Variants in NEXMIF observed in about 807,000 individuals in gnomAD.
NEXMIF encodes XLMR protein related to neurite extension.
NEXMIF carries 8 observed loss-of-function variants against 62.1 expected under a neutral mutation model. The ratio of observed to expected loss-of-function variants is 0.13; its 90% confidence interval spans 0.08 to 0.23. The LOEUF (loss-of-function observed/expected upper bound fraction) is 0.23, where lower values mean the gene tolerates loss of function less well. Ranked by LOEUF, NEXMIF falls within the 10% of genes least tolerant of loss-of-function variation. The pLI is 1.00. For missense variants in NEXMIF, 976 were observed against 1,113.3 expected (o/e 0.88, Z 1.75); for synonymous variants, 404 against 416.6 (o/e 0.97, Z 0.37).
chrX:74,819,412 G>A (rs992853026), intron 1 of NEXMIF, among the ~76,000 whole-genome samples: 1 of 111,670 alleles, frequency 9.0e-6, no homozygotes, highest in East Asian at 2.8e-4. Context: ...TAAAGAATGG[G>A]AGAAAATTTT....
chrX:74,873,704 T>C (rs1304344131), intron 1 of NEXMIF, among the ~76,000 whole-genome samples: 1 of 112,382 alleles, frequency 8.9e-6, no homozygotes, highest in Non-Finnish European at 1.9e-5. Context: ...GAGATGGTGA[T>C]CTCATTGTGG....
intron 1 of NEXMIF, among the ~76,000 whole-genome samples, chrX:74,898,085 G>T (rs952451381): frequency 1.8e-4 from 20 of 111,703 alleles, no homozygotes. Context: ...TAACTCCCCA[G>T]TCTTAAAGTA....
At chrX:74,873,378 T>C (rs1188095015) in intron 1 of NEXMIF, among the ~76,000 whole-genome samples, 3 of 112,345 alleles carry the variant, frequency 2.7e-5, no homozygotes, top group East Asian at 5.5e-4. Context: ...ATTTTCTTAA[T>C]CCAGTCTATC....
intron 1 of NEXMIF, among the ~76,000 whole-genome samples, chrX:74,900,191 G>A (rs756185053): frequency 4.1e-4 from 46 of 111,162 alleles, no homozygotes; most frequent in African/African-American, 1.3e-3. Context: ...AGGGCCAGGC[G>A]CGGTGGCTCA....
intron 1 of NEXMIF, among the ~76,000 whole-genome samples, chrX:74,873,908 G>T (rs1162878475): frequency 9.0e-6 from 1 of 111,199 alleles, no homozygotes; most frequent in Non-Finnish European, 1.9e-5. Context: ...TGTCAGATGA[G>T]TAGGTTGCAA....
In NEXMIF at chrX:74,898,630, A is replaced by T. The variant is rs998024311; in HGVS notation, c.-48+26253T>A. On this transcript the variant is annotated intron_variant, in intron 1 of 3. Transcript: ENST00000055682. ...TGGAATATGTTAATAATAGGAGAAG[A>T]TGGTGTGGGGTATGTGGGAATTTTC... Among the ~76,000 whole-genome samples the T allele has an allele frequency of 4.5e-5, 5 of 112,008 alleles. No homozygotes were observed. The Admixed American group carries it at 4.8e-4, about 11-fold the overall frequency.
Position 74,742,494 on chromosome X carries a change from C to A in NEXMIF, c.2063G>T (p.Gly688Val). ...GCCTGTGATGTCATTTAAATGTGATCCATTTGCACAGCTAGGAGCACCCAG... is the reference window on the plus strand; with the variant it reads ...GCCTGTGATGTCATTTAAATGTGATACATTTGCACAGCTAGGAGCACCCAG... The part of the protein sequence containing the change: ...APLGAPSCAN[G>V]SHLNDITGPD... The change falls in exon 3 of 4, where the codon GGA (glycine) becomes GTA (valine). Residue 688 changes from glycine to valine, a missense_variant. Gly to Val is a moderately radical substitution (Grantham distance 109). Around this residue, in one of 5 missense-constraint regions of NEXMIF, gnomAD observed 639 missense variants for 694.5 expected, o/e 0.92. Coordinates refer to ENST00000055682, the MANE Select transcript of NEXMIF (RefSeq NM_001008537.3). 8.3e-7 allele frequency: 1 copy of A among 1,209,922 alleles called. No individual in the cohort carries two copies. Among genetic ancestry groups the A allele is most frequent in the Non-Finnish European group, 1.1e-6 (1 of 895,083 alleles).
intron 1 of NEXMIF, among the ~76,000 whole-genome samples, chrX:74,876,407 C>T (rs906559198): frequency 2.2e-4 from 24 of 111,241 alleles, no homozygotes; most frequent in African/African-American, 4.9e-4. Context: ...TGCTTTGCTT[C>T]CAAGTATATG....
At chrX:74,845,922 C>T (rs1176661728) in intron 1 of NEXMIF, among the ~76,000 whole-genome samples, 1 of 112,149 alleles carries the variant, frequency 8.9e-6, no homozygotes, top group Non-Finnish European at 1.9e-5. Flanking sequence ...CCTTATGCAA[C>T]TGTCTTCCCA....
chrX:74,757,546 A>C (rs1434390858), intron 1 of NEXMIF, among the ~76,000 whole-genome samples: 1 of 111,982 alleles, frequency 8.9e-6, no homozygotes, highest in Non-Finnish European at 1.9e-5. Context: ...CCTGTCCTTC[A>C]ATATTCTAAC....
Position 74,768,878 on chromosome X carries a change from C to T in NEXMIF, c.-47-23181G>A, listed in dbSNP as rs748698894. Among the ~76,000 whole-genome samples, 4 of 111,713 alleles carry T rather than the reference C, an allele frequency of 3.6e-5. No individual in the cohort carries two copies. In the East Asian group the frequency reaches 8.4e-4, roughly 24 times the overall value. On this transcript the variant is annotated intron_variant, in intron 1 of 3. Coordinates refer to ENST00000055682, the MANE Select transcript of NEXMIF (RefSeq NM_001008537.3). ...CCCGCTCAGGCTACCCAGCCATGTG[C>T]GTGAGAAAAAGAAAAACAGAACACA...
Position 74,742,655 on chromosome X carries a change from G to A in NEXMIF, c.1902C>T (p.Asn634=). The change falls in exon 3 of 4, where the codon AAC becomes AAT. Residue 634 remains asparagine (N), a synonymous_variant. Transcript: ENST00000055682. ...ATGGGATTCTTTGAATCCTGTGCCT[G>A]TTGCCAAGTTTAGATTTTCGTTTGC... ...PARKRKSKLG[N]RHRIQRIPSI... is the part of the protein sequence containing the mutation. The A allele has an allele frequency of 8.3e-7, 1 of 1,211,392 alleles. No homozygotes were observed. The highest frequency in any genetic ancestry group is 1.8e-5 in the South Asian group (1 of 56,929).
rs776265236 is a variant in NEXMIF, at chrX:74,802,493, G to A, written c.-47-56796C>T. On this transcript the variant is annotated intron_variant, in intron 1 of 3. Coordinates refer to ENST00000055682, the MANE Select transcript of NEXMIF (RefSeq NM_001008537.3). Reference sequence around the variant, plus strand: ...GTACCTCTAAGAGTCTGCAAAAGCCGCAGAATTATTGGGCTTGGGGTGTCT... The same window carrying A: ...GTACCTCTAAGAGTCTGCAAAAGCCACAGAATTATTGGGCTTGGGGTGTCT... 2.7e-4 allele frequency among the ~76,000 whole-genome samples: 30 copies of A among 111,293 alleles called. No individual in the cohort carries two copies. The South Asian group carries it at 6.2e-3, about 23-fold the overall frequency.
At position 74,792,259 on chromosome X, in the gene NEXMIF, T is replaced by C. The variant is rs1435716845; in HGVS notation, c.-47-46562A>G. Among the ~76,000 whole-genome samples, 6 of 111,381 alleles carry C rather than the reference T, an allele frequency of 5.4e-5. No individual in the cohort carries two copies. In the South Asian group the frequency reaches 1.1e-3, roughly 21 times the overall value. On this transcript the variant is annotated intron_variant, in intron 1 of 3. Coordinates refer to ENST00000055682, the MANE Select transcript of NEXMIF (RefSeq NM_001008537.3). Reference sequence around the variant, plus strand: ...CCAGTAGTCATTCAGGAGCAGGTTGTTCAGTTTCCATGCAGTTGAGCGGTT... The same window carrying C: ...CCAGTAGTCATTCAGGAGCAGGTTGCTCAGTTTCCATGCAGTTGAGCGGTT...
At chrX:74,756,438 C>T (rs1004874634) in intron 1 of NEXMIF, among the ~76,000 whole-genome samples, 3 of 111,208 alleles carry the variant, frequency 2.7e-5, no homozygotes, top group East Asian at 2.8e-4. Context: ...CCCAAACACA[C>T]GTGTTAATAA....
chrX:74,752,322 G>T (rs1007709215), intron 1 of NEXMIF, among the ~76,000 whole-genome samples: 1 of 110,595 alleles, frequency 9.0e-6, no homozygotes, highest in African/African-American at 3.3e-5. Flanking sequence ...TGCTGGCGGC[G>T]ACAGGGCTCC....
intron 1 of NEXMIF, among the ~76,000 whole-genome samples, chrX:74,879,409 T>C (rs1464234129): frequency 8.9e-6 from 1 of 112,405 alleles, no homozygotes; most frequent in Non-Finnish European, 1.9e-5. Flanking sequence ...CTATGATGAA[T>C]TCATCTGGAA....
intron 1 of NEXMIF, among the ~76,000 whole-genome samples, chrX:74,854,072 A>T (rs182257057): frequency 8.9e-6 from 1 of 112,157 alleles, no homozygotes; most frequent in African/African-American, 3.2e-5. Flanking sequence ...TCCCTAATTC[A>T]TTCCATGAGG....
rs1175597777 is a variant in NEXMIF at position 74,737,447 on chromosome X, G to A, written c.*1958C>T. 1 of 111,190 alleles carries A rather than the reference G, an allele frequency of 9.0e-6. No homozygotes were observed. Among genetic ancestry groups the A allele is most frequent in the Non-Finnish European group, 1.9e-5 (1 of 52,961 alleles). The allele number at this position is 111,190 out of a possible 1,213,427, so 9.2% of individuals were successfully genotyped here. A position where few individuals can be genotyped will look rare whatever the true frequency, so the allele number is the denominator to read the frequency against. On this transcript the variant is annotated 3_prime_UTR_variant, in exon 4 of 4. Coordinates refer to ENST00000055682, the MANE Select transcript of NEXMIF (RefSeq NM_001008537.3). ...ACTAAGTAATTTTCCAGGGCTCACT[G>A]CAAACAGAGCATTAAAGCCTAGGAA...
Sources: gnomAD v4.1 joint callset for allele counts (sites outside exome capture counted in the v4.1 genomes callset) on GRCh38, gnomAD v4.1.1 for gene constraint, gnomAD v4.1.1 regional missense constraint, MANE v1.5 for transcripts, NCBI Gene and HGNC (gene_info 2026-07-23, HGNC 2026-07-21) for gene names.